VMP1: variants seen among roughly 807,000 people sequenced by gnomAD.
VMP1 encodes vacuole membrane protein 1.
A neutral mutation model predicts 56.0 loss-of-function variants in VMP1; 11 were observed. That is an observed-to-expected ratio of 0.20 (90% CI 0.12 to 0.32). The LOEUF (loss-of-function observed/expected upper bound fraction) is 0.32. Among genes scored for constraint, VMP1 ranks in the 10% least tolerant of loss-of-function variants. The pLI, the probability that VMP1 is intolerant of heterozygous loss-of-function variation, is 1.00. For synonymous variants in VMP1, 149 were observed against 165.0 expected, an observed-to-expected ratio of 0.90 and a Z score of 0.74; for missense variants, 296 against 490.3, an observed-to-expected ratio of 0.60 and a Z score of 3.74.
At chr17:59,798,369 G>A (rs1352789114) in intron 7 of VMP1, among the ~76,000 whole-genome samples, 1 of 152,084 alleles carries the variant, frequency 6.6e-6, no homozygotes, top group Non-Finnish European at 1.5e-5. Context: ...CGTAACTTTT[G>A]AAAAGTGTAA....
chr17:59,747,417 T>C (rs1261116244), intron 5 of VMP1, among the ~76,000 whole-genome samples: 7 of 150,044 alleles, frequency 4.7e-5, no homozygotes, highest in Non-Finnish European at 1.0e-4. Context: ...TTCTTTCTTT[T>C]TTTTTTTTTT....
At chr17:59,817,831 G>T in intron 10 of VMP1, 58 bp downstream of exon 10, 2 of 1,348,196 alleles carry the variant, frequency 1.5e-6, no homozygotes, top group East Asian at 2.4e-5. Flanking sequence ...GGGAGTAAAT[G>T]TGTACAAGAC....
intron 7 of VMP1, among the ~76,000 whole-genome samples, chr17:59,795,537 C>A (rs901175491): frequency 6.8e-6 from 1 of 146,938 alleles, no homozygotes; most frequent in Non-Finnish European, 1.5e-5. Context: ...AATGGTCGGG[C>A]ATGGTGGCTC....
chr17:59,738,194 T>A (rs894599848), intron 4 of VMP1, among the ~76,000 whole-genome samples: 6 of 152,224 alleles, frequency 3.9e-5, no homozygotes, highest in Admixed American at 2.0e-4. Flanking sequence ...AGGCCTCTCA[T>A]CCAAGGTTGA....
chr17:59,730,264 T>C (rs577553458), intron 1 of VMP1, among the ~76,000 whole-genome samples: 40 of 152,104 alleles, frequency 2.6e-4, no homozygotes, highest in Non-Finnish European at 4.7e-4. Flanking sequence ...GTTGTATTTA[T>C]TTTCACTTTC....
chr17:59,743,706 T>C (rs2035313934), intron 5 of VMP1, among the ~76,000 whole-genome samples: 1 of 151,686 alleles, frequency 6.6e-6, no homozygotes, highest in South Asian at 2.1e-4. Flanking sequence ...TAATTACTAA[T>C]ATATAGAAAA....
At chr17:59,738,715 T>C in intron 4 of VMP1, 122 bp from the exon 5 acceptor site, 1 of 707,998 alleles carries the variant, frequency 1.4e-6, no homozygotes, top group Non-Finnish European at 2.3e-6. Flanking sequence ...AATGGGTTTT[T>C]AATCTTATTA....
intron 7 of VMP1, among the ~76,000 whole-genome samples, chr17:59,779,268 A>G (rs114870851): frequency 0.014 from 2,195 of 152,308 alleles, 46 homozygotes; most frequent in African/African-American, 0.049. Flanking sequence ...TCTATCTGTG[A>G]ATACCTACAC....
intron 10 of VMP1, among the ~76,000 whole-genome samples, chr17:59,832,489 G>A (rs1273410008): frequency 2.6e-5 from 4 of 151,890 alleles, no homozygotes; most frequent in Non-Finnish European, 5.9e-5. Flanking sequence ...GTATATTTTA[G>A]TCCTGCAGTT....
intron 7 of VMP1, among the ~76,000 whole-genome samples, chr17:59,807,419 G>C (rs1364499573): frequency 1.3e-5 from 2 of 151,552 alleles, no homozygotes; most frequent in Non-Finnish European, 2.9e-5. Flanking sequence ...GAATGGTCTC[G>C]ATCTCCTGAC....
rs956173686 is a variant in VMP1 at position 59,735,555 on chromosome 17, C to T, written c.212+82C>T. 6 of 1,438,100 alleles carry T rather than the reference C, an allele frequency of 4.2e-6. No homozygotes were observed. In the African/African-American group the frequency reaches 8.5e-5, roughly 20 times the overall value. 89.1% of individuals were successfully genotyped at this position (1,438,100 alleles called of 1,614,324 possible). A position where few individuals can be genotyped will look rare whatever the true frequency, so the allele number is the denominator to read the frequency against. On this transcript the variant is annotated intron_variant, in intron 3 of 11. Transcript: ENST00000262291. ...TCCTCAGTAATCTCTTACTTTCTGC[C>T]CTCTACTCCATCAAAATGGATTAAT...
At chr17:59,740,930 G>C (rs2035203284) in intron 5 of VMP1, among the ~76,000 whole-genome samples, 1 of 152,310 alleles carries the variant, frequency 6.6e-6, no homozygotes, top group Non-Finnish European at 1.5e-5. Context: ...TGAAATTATG[G>C]CTCATGCCTG....
chr17:59,823,559 C>G (rs1315416060), intron 10 of VMP1, among the ~76,000 whole-genome samples: 2 of 151,594 alleles, frequency 1.3e-5, no homozygotes, highest in African/African-American at 2.4e-5. Context: ...ACCATCCTGG[C>G]TAACATGGTG....
At chr17:59,799,945 C>A (rs1421168669) in intron 7 of VMP1, among the ~76,000 whole-genome samples, 139 of 110,198 alleles carry the variant, frequency 1.3e-3, no homozygotes, top group Middle Eastern at 4.7e-3. Flanking sequence ...GACTTCCTCT[C>A]AAAAAAAAAA....
chr17:59,711,216 CTAGT>C (rs1438111439), intron 1 of VMP1, among the ~76,000 whole-genome samples: 9 of 150,492 alleles, frequency 6.0e-5, no homozygotes, highest in Non-Finnish European at 1.3e-4. Flanking sequence ...AGCCATTTCT[CTAGT>C]TATTTTATTC....
intron 7 of VMP1, among the ~76,000 whole-genome samples, chr17:59,797,961 A>G (rs1167262113): frequency 6.6e-6 from 1 of 152,222 alleles, no homozygotes; most frequent in Non-Finnish European, 1.5e-5. Context: ...ATGGAAGCCA[A>G]TGTTAGTGGT....
chr17:59,711,162 T>A (rs1010015816), intron 1 of VMP1, among the ~76,000 whole-genome samples: 1 of 152,032 alleles, frequency 6.6e-6, no homozygotes, highest in African/African-American at 2.4e-5. Flanking sequence ...CCAAGCTGTT[T>A]GTAATTTTAA....
intron 10 of VMP1, among the ~76,000 whole-genome samples, chr17:59,836,199 T>G (rs2038975127): frequency 2.0e-5 from 3 of 151,564 alleles, no homozygotes; most frequent in South Asian, 2.1e-4. Context: ...CATTAAAGAA[T>G]CTTTTTTTTA....
Position 59,720,888 on chromosome 17 carries a change from G to A in VMP1, c.-26-10533G>A, listed in dbSNP as rs189691858. ...CTTGGGAGGCTGAGACAGGAGAATC[G>A]CTTGAACCCGGGAAGCAGAGGTTGC... On this transcript the variant is annotated intron_variant, in intron 1 of 11. Transcript: ENST00000262291. Among the ~76,000 whole-genome samples, 119 of 151,980 alleles carry A rather than the reference G, an allele frequency of 7.8e-4. 1 individual carries two copies. The highest frequency in any genetic ancestry group is 7.5e-3 in the Admixed American group (114 of 15,262).
Sources: gnomAD v4.1 joint callset for allele counts (sites outside exome capture counted in the v4.1 genomes callset) on GRCh38, gnomAD v4.1.1 for gene constraint, MANE v1.5 for transcripts, NCBI Gene and HGNC (gene_info 2026-07-23, HGNC 2026-07-21) for gene names.